Variants in ERBB4 observed in about 807,000 individuals in gnomAD.
ERBB4 encodes the protein receptor tyrosine-protein kinase erbB-4.
Under a neutral mutation model 158.0 loss-of-function variants are expected in ERBB4, and 42 were observed. The ratio of observed to expected loss-of-function variants is 0.27; its 90% confidence interval spans 0.21 to 0.34. ERBB4 has a LOEUF of 0.34. Ranked by LOEUF, ERBB4 falls within the 10% of genes least tolerant of loss-of-function variation. The pLI is 1.00. For missense variants in ERBB4, 1,333 were observed against 1,624.1 expected, an observed-to-expected ratio of 0.82 and a Z score of 3.08; for synonymous variants, 583 against 558.7, an observed-to-expected ratio of 1.04 and a Z score of -0.61.
At chr2:211,503,913 T>A (rs1366924750) in intron 20 of ERBB4, among the ~76,000 whole-genome samples, 2 of 152,078 alleles carry the variant, frequency 1.3e-5, no homozygotes, top group Non-Finnish European at 2.9e-5. Context: ...GCTAGATTGA[T>A]CCCACCCTTT....
intron 1 of ERBB4, among the ~76,000 whole-genome samples, chr2:212,209,292 T>A (rs1470679277): frequency 2.0e-5 from 3 of 152,176 alleles, no homozygotes; most frequent in Non-Finnish European, 4.4e-5. Context: ...TTAAAATGCA[T>A]ATTACTTTTT....
chr2:211,721,875 G>A (rs2074107579), intron 7 of ERBB4, among the ~76,000 whole-genome samples: 1 of 151,974 alleles, frequency 6.6e-6, no homozygotes, highest in South Asian at 2.1e-4. Context: ...TTGTTTGTCT[G>A]TTTTTGAGAT....
chr2:212,385,567 G>A (rs2106423395), intron 1 of ERBB4, among the ~76,000 whole-genome samples: 1 of 151,922 alleles, frequency 6.6e-6, no homozygotes. Flanking sequence ...TCAAAATCAA[G>A]TTTATGCTCC....
intron 20 of ERBB4, among the ~76,000 whole-genome samples, chr2:211,473,910 T>G (rs555833945): frequency 6.6e-6 from 1 of 152,058 alleles, no homozygotes; most frequent in Non-Finnish European, 1.5e-5. Flanking sequence ...GCCAGAAATT[T>G]GAAGTTTGTG....
intron 20 of ERBB4, among the ~76,000 whole-genome samples, chr2:211,432,503 C>A (rs1242448556): frequency 6.6e-6 from 1 of 151,940 alleles, no homozygotes; most frequent in Non-Finnish European, 1.5e-5. Context: ...GGGACTTTTG[C>A]CCTCTCTCCT....
At chr2:211,591,692 AAG>A (rs145162707) in intron 19 of ERBB4, among the ~76,000 whole-genome samples, 4,327 of 152,316 alleles carry the variant, frequency 0.028, 102 homozygotes, top group Middle Eastern at 0.088. Context: ...CCTCAAAGCA[AAG>A]AGAGTCTCTT....
At chr2:211,825,702 G>A (rs1435442230) in intron 3 of ERBB4, among the ~76,000 whole-genome samples, 1 of 149,532 alleles carries the variant, frequency 6.7e-6, no homozygotes, top group East Asian at 2.0e-4. Context: ...ATAAAACAAA[G>A]CTGAATTAAA....
At chr2:211,460,783 C>A (rs1273506318) in intron 20 of ERBB4, among the ~76,000 whole-genome samples, 1 of 151,954 alleles carries the variant, frequency 6.6e-6, no homozygotes, top group African/African-American at 2.4e-5. Flanking sequence ...TTTATTAAAT[C>A]CTTTCAAATG....
chr2:211,606,661 C>G (rs904913609), intron 19 of ERBB4, among the ~76,000 whole-genome samples: 1 of 151,762 alleles, frequency 6.6e-6, no homozygotes, highest in Admixed American at 6.6e-5. Context: ...ACCCATAAAC[C>G]CAGTAAAATA....
intron 25 of ERBB4, among the ~76,000 whole-genome samples, chr2:211,419,506 T>C (rs1342375543): frequency 6.6e-6 from 1 of 152,054 alleles, no homozygotes; most frequent in Non-Finnish European, 1.5e-5. Context: ...AAAAGAATTA[T>C]CTTCTAGAAA....
At chr2:211,690,074 GTATAATA>G (rs2072741249) in intron 12 of ERBB4, among the ~76,000 whole-genome samples, 1 of 147,576 alleles carries the variant, frequency 6.8e-6, no homozygotes, top group South Asian at 2.1e-4. Context: ...TATATATTAT[GTATAATA>G]TATAATATAC....
At chr2:212,157,955 C>T (rs1388742247) in intron 1 of ERBB4, among the ~76,000 whole-genome samples, 1 of 152,008 alleles carries the variant, frequency 6.6e-6, no homozygotes, top group Non-Finnish European at 1.5e-5. Flanking sequence ...GATTCTGTCA[C>T]CATGTTGCCT....
chr2:211,477,695 T>C (rs571391816), intron 20 of ERBB4, among the ~76,000 whole-genome samples: 2 of 151,864 alleles, frequency 1.3e-5, no homozygotes, highest in East Asian at 1.9e-4. Flanking sequence ...AGGAGGATAA[T>C]AGTCACTTGC....
intron 19 of ERBB4, among the ~76,000 whole-genome samples, chr2:211,609,806 C>T (rs1451715620): frequency 6.6e-6 from 1 of 152,174 alleles, no homozygotes; most frequent in African/African-American, 2.4e-5. Flanking sequence ...GGCCCCTACA[C>T]TGACAAAGTT....
chr2:212,282,951 C>A (rs763711400), intron 1 of ERBB4, among the ~76,000 whole-genome samples: 6 of 151,854 alleles, frequency 4.0e-5, no homozygotes, highest in Non-Finnish European at 7.4e-5. Flanking sequence ...AGACAAACTG[C>A]CAAATACCAC....
intron 2 of ERBB4, among the ~76,000 whole-genome samples, chr2:212,055,421 AAG>A (rs2077528890): frequency 6.6e-6 from 1 of 152,224 alleles, no homozygotes; most frequent in African/African-American, 2.4e-5. Context: ...GACAGCTTTG[AAG>A]AGAGTAGTGG....
chr2:211,665,473 G>C lies in ERBB4; in HGVS notation c.1721C>G (p.Pro574Arg). 6.2e-7 allele frequency: 1 copy of C among 1,614,012 alleles called. No individual in the cohort carries two copies. Among genetic ancestry groups the C allele is most frequent in the Non-Finnish European group, 8.5e-7 (1 of 1,179,966 alleles). The change falls in exon 15 of 28, where the codon CCT becomes CGT. Residue 574 changes from proline to arginine, a missense_variant. By Grantham distance (103) the Pro-to-Arg change is moderately radical (BLOSUM62 -2). This residue lies in a region of ERBB4 where 245 missense variants were observed against 247.5 expected (regional missense o/e 0.99). Transcript: ENST00000342788. ...DGLLTCHGPG[P>R]DNCTKCSHFK... is the part of the protein sequence containing the mutation. ...ATGAGAGCACTTTGTACAGTTGTCAGGACCCTGAAATGTGAAAACGAAAAA... is the reference window on the plus strand; with the variant it reads ...ATGAGAGCACTTTGTACAGTTGTCACGACCCTGAAATGTGAAAACGAAAAA...
intron 3 of ERBB4, among the ~76,000 whole-genome samples, chr2:211,920,874 G>C: frequency 6.6e-6 from 1 of 151,882 alleles, no homozygotes; most frequent in Non-Finnish European, 1.5e-5. Context: ...TTGAACAACA[G>C]AGTGTGTTAA....
At position 212,470,553 on chromosome 2, in the gene ERBB4, G is replaced by C. The variant is rs111554778; in HGVS notation, c.82+67896C>G. 1.5e-3 allele frequency among the ~76,000 whole-genome samples: 222 copies of C among 152,252 alleles called. 2 individuals are homozygous for C. The highest frequency in any genetic ancestry group is 6.8e-3 in the Middle Eastern group (2 of 294). On this transcript the variant is annotated intron_variant, in intron 1 of 27. Transcript: ENST00000342788. ...GAATGGCAAAGTTAAGAAGATATGA[G>C]ACTGGAAGATGTTGGCAGCTATTGT...
Sources: gnomAD v4.1 joint callset for allele counts (sites outside exome capture counted in the v4.1 genomes callset) on GRCh38, gnomAD v4.1.1 for gene constraint, gnomAD v4.1.1 regional missense constraint, MANE v1.5 for transcripts, NCBI Gene and HGNC (gene_info 2026-07-23, HGNC 2026-07-21) for gene names.